SMURF2: variants seen among roughly 807,000 people sequenced by gnomAD.
SMURF2 encodes the protein E3 ubiquitin-protein ligase SMURF2.
Under a neutral mutation model 109.6 loss-of-function variants are expected in SMURF2, and 48 were observed. That is an observed-to-expected ratio of 0.44 (90% CI 0.35 to 0.56). SMURF2 has a LOEUF of 0.56. Among genes scored for constraint, SMURF2 ranks in the 20% least tolerant of loss-of-function variants. SMURF2 has a pLI of 0.01. For missense variants in SMURF2, 575 were observed against 909.0 expected (o/e 0.63, Z 4.72); for synonymous variants, 288 against 317.1 (o/e 0.91, Z 0.97).
At chr17:64,641,309 T>A (rs1970489814) in intron 1 of SMURF2, among the ~76,000 whole-genome samples, 2 of 152,180 alleles carry the variant, frequency 1.3e-5, no homozygotes, top group South Asian at 4.1e-4. Flanking sequence ...TGAAAATTTT[T>A]ATCTATTAGA....
At chr17:64,549,948 GTTATCCGAAAAGGA>G (rs1969017906) in intron 16 of SMURF2, among the ~76,000 whole-genome samples, 1 of 152,130 alleles carries the variant, frequency 6.6e-6, no homozygotes, top group Admixed American at 6.5e-5. Context: ...CAGGGAGGAG[GTTATCCGAAAAGGA>G]TTATGGGTGT....
intron 1 of SMURF2, among the ~76,000 whole-genome samples, chr17:64,635,709 T>G (rs899109227): frequency 6.6e-6 from 1 of 152,236 alleles, no homozygotes; most frequent in African/African-American, 2.4e-5. Context: ...ATGCCATATT[T>G]TGTTTATCCA....
intron 2 of SMURF2, among the ~76,000 whole-genome samples, chr17:64,600,747 C>T (rs1385142103): frequency 6.6e-6 from 1 of 152,092 alleles, no homozygotes; most frequent in Non-Finnish European, 1.5e-5. Context: ...TACCTCCACC[C>T]TCAATAAATG....
intron 1 of SMURF2, among the ~76,000 whole-genome samples, chr17:64,642,662 CATTT>C (rs1325138092): frequency 2.0e-5 from 3 of 152,172 alleles, no homozygotes; most frequent in African/African-American, 7.2e-5. Context: ...AACTTTCATT[CATTT>C]AATTAACACA....
intron 1 of SMURF2, among the ~76,000 whole-genome samples, chr17:64,614,356 C>CA (rs1242416267): frequency 6.6e-6 from 1 of 152,088 alleles, no homozygotes; most frequent in African/African-American, 2.4e-5. Flanking sequence ...TTAGTAGGCA[C>CA]AAGTCAATTT....
intron 12 of SMURF2, among the ~76,000 whole-genome samples, chr17:64,559,563 A>G (rs782515137): frequency 2.6e-5 from 4 of 151,694 alleles, no homozygotes; most frequent in Non-Finnish European, 5.9e-5. Context: ...ACTGCACTCC[A>G]GCCTGGCGAC....
chr17:64,657,803 G>C (rs534434610), intron 1 of SMURF2, among the ~76,000 whole-genome samples: 1 of 151,804 alleles, frequency 6.6e-6, no homozygotes, highest in South Asian at 2.1e-4. Context: ...TGTTAAATGA[G>C]ATGTTAGTAT....
At chr17:64,598,786 C>T (rs560730479) in intron 2 of SMURF2, among the ~76,000 whole-genome samples, 2 of 152,236 alleles carry the variant, frequency 1.3e-5, no homozygotes, top group East Asian at 1.9e-4. Flanking sequence ...CCCTCTGACC[C>T]GAGGAATGGG....
intron 1 of SMURF2, among the ~76,000 whole-genome samples, chr17:64,621,691 T>C (rs1346807803): frequency 6.6e-6 from 1 of 151,104 alleles, no homozygotes; most frequent in Non-Finnish European, 1.5e-5. Context: ...CTGGCCAACA[T>C]GGTGAAACCC....
At chr17:64,604,817 A>T (rs111854052) in intron 2 of SMURF2, among the ~76,000 whole-genome samples, 1,816 of 151,978 alleles carry the variant, frequency 0.012, 11 homozygotes, top group Non-Finnish European at 0.018. Flanking sequence ...GTTGGCGTGC[A>T]CCTGTAATCC....
intron 5 of SMURF2, among the ~76,000 whole-genome samples, chr17:64,589,619 G>C (rs1969722507): frequency 6.6e-6 from 1 of 151,664 alleles, no homozygotes; most frequent in Non-Finnish European, 1.5e-5. Flanking sequence ...ATTCTCATAG[G>C]AGCACGAACC....
intron 3 of SMURF2, among the ~76,000 whole-genome samples, chr17:64,594,306 A>T (rs1210443825): frequency 1.3e-5 from 2 of 152,208 alleles, no homozygotes; most frequent in African/African-American, 4.8e-5. Context: ...CCTTGATCTT[A>T]AAGTATCATT....
chr17:64,584,499 CAG>C (rs1290017828), intron 6 of SMURF2, among the ~76,000 whole-genome samples: 1 of 151,398 alleles, frequency 6.6e-6, no homozygotes, highest in African/African-American at 2.4e-5. Context: ...GCTGGGACTA[CAG>C]GTGCACACCA....
intron 10 of SMURF2, among the ~76,000 whole-genome samples, chr17:64,566,591 T>TG (rs1969315148): frequency 7.8e-6 from 1 of 127,972 alleles, no homozygotes; most frequent in Non-Finnish European, 1.7e-5. Context: ...TTTTTTTTTT[T>TG]GAGACAGTCT....
chr17:64,586,750 CAAAAAAAAAAA>C (rs782490512), intron 5 of SMURF2, among the ~76,000 whole-genome samples: 1 of 27,462 alleles, frequency 3.6e-5, no homozygotes, highest in Non-Finnish European at 7.5e-5. Context: ...GACTCCGTCT[CAAAAAAAAAAA>C]AAAAAAAAAA....
intron 1 of SMURF2, among the ~76,000 whole-genome samples, chr17:64,651,938 C>T (rs1296802109): frequency 7.2e-5 from 11 of 152,116 alleles, no homozygotes; most frequent in African/African-American, 1.4e-4. Flanking sequence ...CAAGCAAAAA[C>T]GATAAATACT....
Position 64,547,703 on chromosome 17 carries a change from G to A in SMURF2, c.1968C>T (p.Phe656=), listed in dbSNP as rs1555683274. 1 of 1,614,176 alleles carries A rather than the reference G, an allele frequency of 6.2e-7. No individual in the cohort carries two copies. The part of the protein sequence containing the change: ...CTPDSNIVKW[F]WKAVEFFDEE... The stretch of plus-strand genomic sequence containing the variant: ...CATCAAAAAACTCCACAGCTTTCCA[G>A]AACCATTTGACAATGTTGCTGTCTG... The change falls in exon 17 of 19, where the codon TTC becomes TTT. Residue 656 remains phenylalanine (F), a synonymous_variant. Coordinates refer to ENST00000262435, the MANE Select transcript of SMURF2 (RefSeq NM_022739.4). The surrounding 1 kb of genome is among the most constrained non-coding windows in gnomAD (Gnocchi z 4.2).
chr17:64,652,010 G>A (rs1970646160), intron 1 of SMURF2, among the ~76,000 whole-genome samples: 1 of 152,132 alleles, frequency 6.6e-6, no homozygotes, highest in Admixed American at 6.5e-5. Flanking sequence ...TCACATTTTA[G>A]ATATGTTTAT....
At chr17:64,562,541 A>T (rs1191571630) in intron 11 of SMURF2, among the ~76,000 whole-genome samples, 1 of 151,430 alleles carries the variant, frequency 6.6e-6, no homozygotes, top group African/African-American at 2.4e-5. Flanking sequence ...CACCATGCCC[A>T]GCTAATTTTG....
Sources: gnomAD v4.1 joint callset for allele counts (sites outside exome capture counted in the v4.1 genomes callset) on GRCh38, gnomAD v4.1.1 for gene constraint, Gnocchi (gnomAD v3.1) non-coding constraint, MANE v1.5 for transcripts, NCBI Gene and HGNC (gene_info 2026-07-23, HGNC 2026-07-21) for gene names.